The following NIM1K variants were observed in gnomAD, a reference collection of about 807,000 sequenced individuals.
NIM1K encodes NIM1 serine/threonine protein kinase, also known as serine/threonine-protein kinase NIM1.
Under a neutral mutation model 37.1 loss-of-function variants are expected in NIM1K, and 35 were observed. That is an observed-to-expected ratio of 0.94 (90% CI 0.72 to 1.25). NIM1K has a LOEUF of 1.25. NIM1K is among the 50% of genes most tolerant of loss of function. The probability of loss-of-function intolerance (pLI) is 0.00; values close to 1 mark genes in which losing one functional copy is unlikely to be tolerated. For missense variants in NIM1K, 564 were observed against 548.0 expected, an observed-to-expected ratio of 1.03 and a Z score of -0.29; for synonymous variants, 234 against 206.6, an observed-to-expected ratio of 1.13 and a Z score of -1.14.
chr5:43,200,033 G>T (rs188386333), intron 1 of NIM1K, among the ~76,000 whole-genome samples: 5 of 152,074 alleles, frequency 3.3e-5, no homozygotes, highest in Non-Finnish European at 2.9e-5. Flanking sequence ...GTGCCATCAC[G>T]CATGCTCAGC....
chr5:43,210,474 A>G (rs560220920), intron 1 of NIM1K, among the ~76,000 whole-genome samples: 1 of 152,284 alleles, frequency 6.6e-6, no homozygotes, highest in Admixed American at 6.5e-5. Flanking sequence ...ATGTGCACAT[A>G]AAAACTTATA....
intron 1 of NIM1K, among the ~76,000 whole-genome samples, chr5:43,231,029 T>C (rs1752531374): frequency 6.6e-6 from 1 of 152,216 alleles, no homozygotes; most frequent in African/African-American, 2.4e-5. Context: ...AAATATATTA[T>C]TTTCTTGGCT....
chr5:43,239,872 A>G (rs1752674746), intron 1 of NIM1K, among the ~76,000 whole-genome samples: 1 of 152,032 alleles, frequency 6.6e-6, no homozygotes, highest in Non-Finnish European at 1.5e-5. Flanking sequence ...GGAATAAAGT[A>G]GAAATAAATG....
rs538340028 is a variant in NIM1K at position 43,236,958 on chromosome 5, A to C, written c.-694-8124A>C. Among the ~76,000 whole-genome samples, 10 of 152,372 alleles carry C rather than the reference A, an allele frequency of 6.6e-5. No homozygotes were observed. The South Asian group carries it at 8.3e-4, about 13-fold the overall frequency. ...ATCTTGACATGTGTGCTGAGAAATA[A>C]AGAGCTGAGCTAAAAGCAAAGATGA... On this transcript the variant is annotated intron_variant, in intron 1 of 3. Transcript: ENST00000326035.
intron 1 of NIM1K, among the ~76,000 whole-genome samples, chr5:43,234,659 C>G (rs939844470): frequency 6.6e-5 from 10 of 152,100 alleles, no homozygotes; most frequent in African/African-American, 2.4e-4. Flanking sequence ...TATTTTGACA[C>G]AGTCTTGCTC....
chr5:43,269,073 C>G (rs1350527155), intron 2 of NIM1K, among the ~76,000 whole-genome samples: 3 of 151,974 alleles, frequency 2.0e-5, no homozygotes, highest in Admixed American at 6.6e-5. Context: ...CTTTGGGAGG[C>G]TGAGGCAGGT....
chr5:43,262,284 T>C (rs1753043542), intron 2 of NIM1K, among the ~76,000 whole-genome samples: 1 of 152,232 alleles, frequency 6.6e-6, no homozygotes, highest in Non-Finnish European at 1.5e-5. Context: ...TTTTATTTCA[T>C]TGAGCAGTGC....
chr5:43,259,775 A>G (rs1753000522), intron 2 of NIM1K, among the ~76,000 whole-genome samples: 1 of 152,134 alleles, frequency 6.6e-6, no homozygotes. Flanking sequence ...GTTGTGCAGA[A>G]GCTTTTCAGT....
chr5:43,253,765 T>C (rs1752902402), intron 2 of NIM1K, among the ~76,000 whole-genome samples: 1 of 152,076 alleles, frequency 6.6e-6, no homozygotes, highest in Admixed American at 6.6e-5. Context: ...GTTCAAGTGA[T>C]TCTCCTGCCT....
chr5:43,235,144 G>A (rs1752603412), intron 1 of NIM1K, among the ~76,000 whole-genome samples: 1 of 152,106 alleles, frequency 6.6e-6, no homozygotes, highest in African/African-American at 2.4e-5. Context: ...TAAACATATA[G>A]ACAAGGGTGA....
intron 2 of NIM1K, among the ~76,000 whole-genome samples, chr5:43,272,894 C>G (rs1753278456): frequency 6.6e-6 from 1 of 152,148 alleles, no homozygotes; most frequent in South Asian, 2.1e-4. Flanking sequence ...GGGGCAGCTA[C>G]TCTTAAGGAT....
chr5:43,258,824 A>G (rs1010393723), intron 2 of NIM1K, among the ~76,000 whole-genome samples: 2 of 152,052 alleles, frequency 1.3e-5, no homozygotes, highest in African/African-American at 2.4e-5. Flanking sequence ...TTTGGTTACA[A>G]TGATGAACTG....
intron 2 of NIM1K, among the ~76,000 whole-genome samples, chr5:43,267,285 T>C (rs1371796227): frequency 6.6e-6 from 1 of 152,212 alleles, no homozygotes; most frequent in Non-Finnish European, 1.5e-5. Context: ...CTTTTGTATT[T>C]CTGTTTCATT....
rs1190774136 is a variant in NIM1K, at chr5:43,280,281, A to G, written c.863A>G (p.Tyr288Cys). ...KLKKSILEGT[Y>C]SVPPHVSEPC... The stretch of plus-strand genomic sequence containing the variant: ...AAAAAGAGCATCCTCGAGGGCACAT[A>G]CAGTGTACCGCCGCACGTGTCAGAG... The change falls in exon 4 of 4, where the codon TAC becomes TGC. Residue 288 changes from tyrosine to cysteine, a missense_variant. Coordinates refer to ENST00000326035, the MANE Select transcript of NIM1K (RefSeq NM_153361.4). The G allele has an allele frequency of 1.2e-6, 2 of 1,614,178 alleles. No homozygotes were observed. The highest frequency in any genetic ancestry group is 1.7e-6 in the Non-Finnish European group (2 of 1,180,026).
chr5:43,198,183 CT>C (rs766121337), intron 1 of NIM1K, among the ~76,000 whole-genome samples: 1 of 71,332 alleles, frequency 1.4e-5, no homozygotes, highest in African/African-American at 5.4e-5. Context: ...TTCTTTCTTT[CT>C]TTCTTTCTTT....
chr5:43,210,492 G>C (rs1424480816), intron 1 of NIM1K, among the ~76,000 whole-genome samples: 1 of 152,096 alleles, frequency 6.6e-6, no homozygotes, highest in Non-Finnish European at 1.5e-5. Context: ...ATACTACAGA[G>C]AGTCAATTAT....
At chr5:43,239,527 C>G (rs915179775) in intron 1 of NIM1K, among the ~76,000 whole-genome samples, 1 of 148,792 alleles carries the variant, frequency 6.7e-6, no homozygotes, top group Non-Finnish European at 1.5e-5. Context: ...CGTGAGCCAC[C>G]GCGCCTGCTT....
chr5:43,235,578 C>T (rs1752608504), intron 1 of NIM1K, among the ~76,000 whole-genome samples: 1 of 152,140 alleles, frequency 6.6e-6, no homozygotes, highest in African/African-American at 2.4e-5. Context: ...CCTGTTGGGA[C>T]CTAAATTCTT....
chr5:43,244,065 C>T (rs1223095256), intron 1 of NIM1K, among the ~76,000 whole-genome samples: 2 of 152,132 alleles, frequency 1.3e-5, no homozygotes, highest in East Asian at 3.9e-4. Context: ...TCTTTACTTC[C>T]CTTATTTATG....
Sources: gnomAD v4.1 joint callset for allele counts (sites outside exome capture counted in the v4.1 genomes callset) on GRCh38, gnomAD v4.1.1 for gene constraint, MANE v1.5 for transcripts, NCBI Gene and HGNC (gene_info 2026-07-23, HGNC 2026-07-21) for gene names.